Variants in CWC27 observed in about 807,000 individuals in gnomAD.
The protein encoded by CWC27 is spliceosome-associated protein CWC27 homolog.
In CWC27, 47 loss-of-function variants were observed where a neutral mutation model predicts 63.6. The ratio of observed to expected loss-of-function variants is 0.74; its 90% CI spans 0.58 to 0.94. The LOEUF (loss-of-function observed/expected upper bound fraction) is 0.94. Among genes scored for constraint, CWC27 ranks in the 40% least tolerant of loss-of-function variants. CWC27 has a pLI of 0.00. For synonymous variants in CWC27, 175 were observed against 179.8 expected (o/e 0.97, Z 0.22); for missense variants, 495 against 554.3 (o/e 0.89, Z 1.07).
At chr5:64,981,976 AT>A in intron 13 of CWC27, among the ~76,000 whole-genome samples, 1 of 152,328 alleles carries the variant, frequency 6.6e-6, no homozygotes, top group East Asian at 1.9e-4. Context: ...TTAAAAGTCA[AT>A]TTTAGCCATC....
intron 11 of CWC27, among the ~76,000 whole-genome samples, chr5:64,932,540 T>G (rs141997987): frequency 2.0e-5 from 3 of 152,296 alleles, no homozygotes; most frequent in African/African-American, 7.2e-5. Flanking sequence ...TACTTGACAT[T>G]GTTTAGAAGA....
intron 13 of CWC27, among the ~76,000 whole-genome samples, chr5:64,999,823 T>C (rs1376285120): frequency 6.6e-6 from 1 of 152,058 alleles, no homozygotes; most frequent in African/African-American, 2.4e-5. Flanking sequence ...CCTTTCGATA[T>C]AATGATTTCT....
intron 11 of CWC27, among the ~76,000 whole-genome samples, chr5:64,905,628 G>T (rs1454918789): frequency 6.6e-6 from 1 of 152,070 alleles, no homozygotes; most frequent in South Asian, 2.1e-4. Context: ...TACAAATTAA[G>T]ATACATGATG....
In CWC27 at chr5:64,997,643, A is replaced by T. The variant is rs367805543; in HGVS notation, c.1256+20405A>T. Among the ~76,000 whole-genome samples, 74 of 152,252 alleles carry T rather than the reference A, an allele frequency of 4.9e-4. No individual in the cohort carries two copies. In the South Asian group the frequency reaches 0.014, roughly 28 times the overall value. On this transcript the variant is annotated intron_variant, in intron 13 of 13. Coordinates refer to ENST00000381070, the MANE Select transcript of CWC27 (RefSeq NM_005869.4). The stretch of plus-strand genomic sequence containing the variant: ...AATTCTTACCATTCTGAGATAAAAA[A>T]ATTTTTGAGTTTTGATATTTTTTCA...
chr5:64,919,767 C>G (rs1216809091), intron 11 of CWC27, among the ~76,000 whole-genome samples: 1 of 152,140 alleles, frequency 6.6e-6, no homozygotes, highest in East Asian at 1.9e-4. Context: ...TAATGGGCAC[C>G]TTGGTTGATT....
At chr5:64,811,766 TA>T (rs1162164286) in intron 10 of CWC27, among the ~76,000 whole-genome samples, 2 of 152,066 alleles carry the variant, frequency 1.3e-5, no homozygotes, top group African/African-American at 2.4e-5. Context: ...TATATAACTA[TA>T]ATGATAGCAT....
intron 10 of CWC27, among the ~76,000 whole-genome samples, chr5:64,861,017 G>T (rs1369429797): frequency 6.6e-6 from 1 of 152,170 alleles, no homozygotes; most frequent in Non-Finnish European, 1.5e-5. Flanking sequence ...TGGGACCTTA[G>T]TTGGGGCTCC....
intron 13 of CWC27, among the ~76,000 whole-genome samples, chr5:64,977,889 A>G (rs1421230246): frequency 1.3e-5 from 2 of 151,668 alleles, no homozygotes; most frequent in African/African-American, 2.4e-5. Context: ...CATGCAGTGT[A>G]TTAAGCCTCC....
chr5:64,807,292 A>G lies in CWC27; in HGVS notation c.938+2906A>G, dbSNP rs553091048. On this transcript the variant is annotated intron_variant, in intron 10 of 13. Coordinates refer to ENST00000381070, the MANE Select transcript of CWC27 (RefSeq NM_005869.4). ...CATCTGGAATCTGTTAAAGCTGGTT[A>G]TCACTTTTGGATGTTAAACCTACAC... Among the ~76,000 whole-genome samples the G allele has an allele frequency of 4.6e-5, 7 of 152,346 alleles. No individual in the cohort carries two copies. The South Asian group carries it at 1.4e-3, about 32-fold the overall frequency.
intron 11 of CWC27, among the ~76,000 whole-genome samples, chr5:64,903,068 C>A (rs1218879842): frequency 6.6e-6 from 1 of 152,212 alleles, no homozygotes; most frequent in Non-Finnish European, 1.5e-5. Context: ...CACTTTTACA[C>A]TGTTGGTGGG....
chr5:64,995,597 C>G (rs1561183348), intron 13 of CWC27, among the ~76,000 whole-genome samples: 4 of 152,234 alleles, frequency 2.6e-5, no homozygotes, highest in Admixed American at 2.0e-4. Flanking sequence ...TTAGCCACCA[C>G]AACTGAATAA....
At chr5:64,801,414 T>TA (rs1294692384) in intron 9 of CWC27, 82 bp downstream of exon 9, 1 of 1,104,246 alleles carries the variant, frequency 9.1e-7, no homozygotes, top group Non-Finnish European at 1.2e-6. Flanking sequence ...ATTTTGTTCT[T>TA]AAAAAGTAAC....
chr5:64,902,866 A>G (rs1046904442), intron 11 of CWC27, among the ~76,000 whole-genome samples: 2 of 152,196 alleles, frequency 1.3e-5, no homozygotes, highest in East Asian at 1.9e-4. Flanking sequence ...ACATCTTTCC[A>G]TTTATTAAGG....
chr5:64,840,744 C>T (rs769852410), intron 10 of CWC27, among the ~76,000 whole-genome samples: 1 of 152,168 alleles, frequency 6.6e-6, no homozygotes, highest in Middle Eastern at 3.4e-3. Context: ...AGAATGGTTT[C>T]TTTGGCCTAA....
At chr5:64,836,540 TAAAAC>T (rs974874232) in intron 10 of CWC27, among the ~76,000 whole-genome samples, 3 of 151,956 alleles carry the variant, frequency 2.0e-5, no homozygotes, top group African/African-American at 4.8e-5. Context: ...CATGTGACCT[TAAAAC>T]AAAACAAAAC....
intron 13 of CWC27, among the ~76,000 whole-genome samples, chr5:65,004,897 T>C (rs1362902578): frequency 0.023 from 1,456 of 64,316 alleles, 104 homozygotes; most frequent in African/African-American, 0.072. Context: ...TATATATATA[T>C]ATATATATAC....
intron 1 of CWC27, 144 bp from the exon 2 acceptor site, chr5:64,774,547 G>T: frequency 2.2e-6 from 1 of 448,210 alleles, no homozygotes; most frequent in East Asian, 3.6e-5. Context: ...ACATTTTGTT[G>T]AGTATATCAA....
intron 10 of CWC27, among the ~76,000 whole-genome samples, chr5:64,811,967 A>G (rs919442124): frequency 5.9e-5 from 9 of 152,090 alleles, no homozygotes; most frequent in Admixed American, 1.3e-4. Flanking sequence ...AGGAATTCTT[A>G]TGGAACTTTG....
chr5:64,772,034 C>T (rs1388166777), intron 1 of CWC27, among the ~76,000 whole-genome samples: 2 of 152,124 alleles, frequency 1.3e-5, no homozygotes, highest in African/African-American at 4.8e-5. Context: ...TCACAGAAAT[C>T]CTAAAAGATA....
Sources: gnomAD v4.1 joint callset for allele counts (sites outside exome capture counted in the v4.1 genomes callset) on GRCh38, gnomAD v4.1.1 for gene constraint, MANE v1.5 for transcripts, NCBI Gene and HGNC (gene_info 2026-07-23, HGNC 2026-07-21) for gene names.